Variants in EIF2B3 observed in about 807,000 individuals in gnomAD.
EIF2B3 encodes the protein translation initiation factor eIF2B subunit gamma.
Under a neutral mutation model 54.1 loss-of-function variants are expected in EIF2B3, and 20 were observed. The ratio of observed to expected loss-of-function variants is 0.37; its 90% CI spans 0.26 to 0.54. The LOEUF (loss-of-function observed/expected upper bound fraction) is 0.54, where lower values mean the gene tolerates loss of function less well. Among genes scored for constraint, EIF2B3 ranks in the 20% least tolerant of loss-of-function variants. The pLI, the probability that EIF2B3 is intolerant of heterozygous loss-of-function variation, is 0.86. For synonymous variants in EIF2B3, 153 were observed against 188.1 expected, an observed-to-expected ratio of 0.81 and a Z score of 1.52; for missense variants, 448 against 547.8, an observed-to-expected ratio of 0.82 and a Z score of 1.82.
chr1:44,923,350 A>G (rs535060711), intron 5 of EIF2B3, among the ~76,000 whole-genome samples: 2 of 152,240 alleles, frequency 1.3e-5, no homozygotes, highest in East Asian at 3.9e-4. Context: ...TTCTCATTCT[A>G]CTCTCATATT....
At chr1:44,929,601 T>C (rs1425707136) in intron 4 of EIF2B3, among the ~76,000 whole-genome samples, 4 of 152,196 alleles carry the variant, frequency 2.6e-5, no homozygotes, top group African/African-American at 9.7e-5. Flanking sequence ...TATCAACTTA[T>C]ACATTACATG....
chr1:44,866,823 G>C (rs1654799472), intron 10 of EIF2B3, among the ~76,000 whole-genome samples: 1 of 152,172 alleles, frequency 6.6e-6, no homozygotes, highest in East Asian at 1.9e-4. Flanking sequence ...CCAAAGTGTT[G>C]GGATTACAGG....
intron 2 of EIF2B3, among the ~76,000 whole-genome samples, chr1:44,979,955 G>A (rs1261648995): frequency 6.6e-6 from 1 of 152,046 alleles, no homozygotes; most frequent in Non-Finnish European, 1.5e-5. Flanking sequence ...GACAGGGTGA[G>A]ACTCCAACAT....
At chr1:44,929,761 T>C (rs1182336583) in intron 4 of EIF2B3, among the ~76,000 whole-genome samples, 1 of 152,230 alleles carries the variant, frequency 6.6e-6, no homozygotes, top group Non-Finnish European at 1.5e-5. Context: ...ATCACTGATG[T>C]CCTGGGAGCA....
chr1:44,860,926 A>G (rs1186104925), intron 10 of EIF2B3, among the ~76,000 whole-genome samples: 1 of 152,238 alleles, frequency 6.6e-6, no homozygotes, highest in Admixed American at 6.5e-5. Context: ...ACAGACCATT[A>G]AAAAAGATTC....
intron 1 of EIF2B3, among the ~76,000 whole-genome samples, chr1:44,982,409 C>T (rs917172678): frequency 2.0e-5 from 3 of 152,146 alleles, no homozygotes; most frequent in African/African-American, 7.2e-5. Flanking sequence ...AGCGATTCTC[C>T]TGCCTCAGCC....
At chr1:44,852,727 C>T (rs931979404) in intron 11 of EIF2B3, among the ~76,000 whole-genome samples, 7 of 149,320 alleles carry the variant, frequency 4.7e-5, no homozygotes, top group Admixed American at 3.4e-4. Context: ...TGCAGTGAGC[C>T]GAGATCGCAG....
chr1:44,852,300 C>T (rs1382379165), intron 11 of EIF2B3, among the ~76,000 whole-genome samples: 2 of 151,950 alleles, frequency 1.3e-5, no homozygotes, highest in Non-Finnish European at 2.9e-5. Context: ...CAACCCTCTG[C>T]CTAGAATGCT....
At chr1:44,885,901 ATTT>A (rs57544990) in intron 6 of EIF2B3, among the ~76,000 whole-genome samples, 20 of 133,206 alleles carry the variant, frequency 1.5e-4, no homozygotes, top group African/African-American at 5.4e-4. Context: ...CGCTTGGCTA[ATTT>A]TTTTTTTTTT....
At chr1:44,950,528 G>A (rs572551978) in intron 3 of EIF2B3, among the ~76,000 whole-genome samples, 2 of 152,042 alleles carry the variant, frequency 1.3e-5, no homozygotes, top group Admixed American at 6.6e-5. Context: ...AGAACCTTTC[G>A]GGTTAGGGAT....
At chr1:44,954,034 TCAGA>T (rs1644197034) in intron 3 of EIF2B3, among the ~76,000 whole-genome samples, 2 of 152,152 alleles carry the variant, frequency 1.3e-5, no homozygotes, top group South Asian at 2.1e-4. Flanking sequence ...GATCCTGCTA[TCAGA>T]CAAAGTAGAA....
chr1:44,881,216 G>GC lies in EIF2B3; in HGVS notation c.784+395dup, dbSNP rs1412188180. Reference sequence around the variant, plus strand: ...ACCTGGGTTGGCCTGTGGTTGGACTGCAATTGTACATTCCTTCACTTTCCT... The same window carrying GC: ...ACCTGGGTTGGCCTGTGGTTGGACTGCCAATTGTACATTCCTTCACTTTCCT... On this transcript the variant is annotated intron_variant, in intron 7 of 11. Transcript: ENST00000360403. This position sits in a 1 kb window ranked among gnomAD's most constrained non-coding sequence, Gnocchi z 4.0. Among the ~76,000 whole-genome samples the GC allele has an allele frequency of 6.6e-6, 1 of 152,218 alleles. No homozygotes were observed. Among genetic ancestry groups the GC allele is most frequent in the East Asian group, 1.9e-4 (1 of 5,190 alleles).
At chr1:44,875,782 C>T in intron 8 of EIF2B3, 87 bp from the exon 9 acceptor site, 1 of 1,047,438 alleles carries the variant, frequency 9.5e-7, no homozygotes, top group East Asian at 2.4e-5. Context: ...TCCCACTCCC[C>T]CTCCCCACGG....
At chr1:44,901,551 T>C (rs542096120) in intron 5 of EIF2B3, among the ~76,000 whole-genome samples, 129 of 78,450 alleles carry the variant, frequency 1.6e-3, no homozygotes, top group African/African-American at 9.5e-3. Context: ...GGGCCTGGCC[T>C]TTTTTTTTTT....
chr1:44,884,805 C>G (rs1036871271), intron 6 of EIF2B3, among the ~76,000 whole-genome samples: 2 of 152,172 alleles, frequency 1.3e-5, no homozygotes, highest in Non-Finnish European at 2.9e-5. Flanking sequence ...AGAACTGTCA[C>G]TGCAAGAGGC....
rs34452633 is a variant in EIF2B3 at position 44,979,474 on chromosome 1, CAA to C, written c.149-1016_149-1015del. Among the ~76,000 whole-genome samples, 14 of 56,018 alleles carry C rather than the reference CAA, an allele frequency of 2.5e-4. 1 individual carries two copies. Among genetic ancestry groups the C allele is most frequent in the African/African-American group, 7.6e-4 (11 of 14,484 alleles). The allele number at this position is 56,018 out of a possible 152,430, so 36.7% of individuals were successfully genotyped here. ...TAACGTGGCGAAACCCTGTCTCTGC[CAA>C]AAAAAAAAAAAAAAAAAAAAGGAGG... On this transcript the variant is annotated intron_variant, in intron 2 of 11. Transcript: ENST00000360403.
chr1:44,898,373 T>A (rs1265621558), intron 5 of EIF2B3, among the ~76,000 whole-genome samples: 1 of 152,184 alleles, frequency 6.6e-6, no homozygotes, highest in Non-Finnish European at 1.5e-5. Context: ...TCTCTCCCAC[T>A]AGACTGAAAT....
chr1:44,891,225 A>G (rs148529625), intron 6 of EIF2B3, among the ~76,000 whole-genome samples: 18 of 152,166 alleles, frequency 1.2e-4, no homozygotes, highest in African/African-American at 3.9e-4. Flanking sequence ...TCAGCCTCCT[A>G]AGTAGCTGGG....
chr1:44,883,073 C>G (rs575086877), intron 6 of EIF2B3, among the ~76,000 whole-genome samples: 1 of 150,926 alleles, frequency 6.6e-6, no homozygotes, highest in Non-Finnish European at 1.5e-5. Context: ...GGATTACAGG[C>G]GCCGGCCACC....
Sources: allele counts gnomAD v4.1 joint callset (sites outside exome capture counted in the v4.1 genomes callset), GRCh38; gene constraint gnomAD v4.1.1; non-coding constraint Gnocchi (gnomAD v3.1); transcripts MANE v1.5; gene names NCBI Gene and HGNC (gene_info 2026-07-23, HGNC 2026-07-21).